The following DNAH6 variants were observed in gnomAD, a reference collection of about 807,000 sequenced individuals.
DNAH6 encodes the protein dynein axonemal heavy chain 6.
Under a neutral mutation model 491.4 loss-of-function variants are expected in DNAH6, and 340 were observed. The ratio of observed to expected loss-of-function variants is 0.69; its 90% CI spans 0.63 to 0.76. The LOEUF is 0.76. Ranked by LOEUF, DNAH6 falls within the 30% of genes least tolerant of loss-of-function variation. The pLI, the probability that DNAH6 is intolerant of heterozygous loss-of-function variation, is 0.00. For missense variants in DNAH6, 4,443 were observed against 4,972.2 expected, an observed-to-expected ratio of 0.89 and a Z score of 3.20; for synonymous variants, 1,603 against 1,686.1, an observed-to-expected ratio of 0.95 and a Z score of 1.21.
chr2:84,489,265 A>G, the DNAH6 span, among the ~76,000 whole-genome samples: 6 of 152,272 alleles, frequency 3.9e-5, no homozygotes, highest in African/African-American at 1.4e-4. Flanking sequence ...CATTCCCACT[A>G]GAAAATTATG....
chr2:84,816,165 T>G, intron 76 of DNAH6, 82 bp downstream of exon 76: 1 of 1,122,332 alleles, frequency 8.9e-7, no homozygotes, highest in South Asian at 1.5e-5. Flanking sequence ...TGTGATTGGC[T>G]CAAGATCTCC....
intron 63 of DNAH6, among the ~76,000 whole-genome samples, chr2:84,754,400 C>T (rs970796014): frequency 1.1e-4 from 16 of 151,782 alleles, no homozygotes; most frequent in Admixed American, 7.9e-4. Context: ...AGGCTGGTCT[C>T]GAACTCCTGA....
Position 84,653,330 on chromosome 2 carries a change from C to T in DNAH6, c.5090C>T (p.Ser1697Phe). The change falls in exon 34 of 77, where the codon TCT becomes TTT. Residue 1697 changes from serine to phenylalanine, a missense_variant. Physicochemically the swap from Ser to Phe is radical, Grantham distance 155. Transcript: ENST00000389394. Reference protein sequence around the residue: ...DDALLFSGIISDLFPGVQIPE... With the variant: ...DDALLFSGIIFDLFPGVQIPE... ...TTTTGTTTTGACAGTGGAATCATAT[C>T]TGACCTTTTTCCTGGAGTCCAAATT... 1 of 1,531,216 alleles carries T rather than the reference C, an allele frequency of 6.5e-7. No homozygotes were observed. Among genetic ancestry groups the T allele is most frequent in the Non-Finnish European group, 8.8e-7 (1 of 1,135,736 alleles). 94.9% of individuals were successfully genotyped at this position (1,531,216 alleles called of 1,614,324 possible).
At chr2:84,646,284 A>G (rs1204475569) in intron 33 of DNAH6, among the ~76,000 whole-genome samples, 1 of 152,080 alleles carries the variant, frequency 6.6e-6, no homozygotes, top group Non-Finnish European at 1.5e-5. Context: ...ACAGACAGCC[A>G]TTCTCCCATC....
chr2:84,559,236 G>A (rs937150498), intron 11 of DNAH6, among the ~76,000 whole-genome samples: 2 of 152,142 alleles, frequency 1.3e-5, no homozygotes, highest in Admixed American at 1.3e-4. Flanking sequence ...TGTATCAGAG[G>A]ACTGTCTACA....
At position 84,704,061 on chromosome 2, in the gene DNAH6, G is replaced by T. The variant is rs527921836; in HGVS notation, c.8230-6G>T. On this transcript the variant is annotated splice_polypyrimidine_tract_variant and splice_region_variant and intron_variant, in intron 50 of 76. Transcript: ENST00000389394. Reference sequence around the variant, plus strand: ...GCCACTTAAGCAGTCATGTTTCAATGGTTAGGTCCGTAACACTGTGCAGGA... The same window carrying T: ...GCCACTTAAGCAGTCATGTTTCAATTGTTAGGTCCGTAACACTGTGCAGGA... 7.1e-6 allele frequency: 11 copies of T among 1,550,124 alleles called. No homozygotes were observed. Among genetic ancestry groups the T allele is most frequent in the South Asian group, 3.6e-5 (3 of 83,844 alleles).
At chr2:84,587,580 AC>A (rs1205959955) in intron 15 of DNAH6, among the ~76,000 whole-genome samples, 1 of 152,176 alleles carries the variant, frequency 6.6e-6, no homozygotes, top group Non-Finnish European at 1.5e-5. Context: ...TGCTATCAAG[AC>A]CCTCATTCCT....
chr2:84,624,598 G>A lies in DNAH6; in HGVS notation c.4331G>A (p.Arg1444Lys), dbSNP rs938191505. Residue 1444 changes from arginine (R) to lysine (K), a missense_variant, in exon 28 of 77, where the codon AGA (arginine) becomes AAA (lysine). Physicochemically the swap from Arg to Lys is conservative, Grantham distance 26. Transcript: ENST00000389394. ...TATGAATATTTGGGTGCATGCCCAA[G>A]ATTGGTTATTACTCCACTCACAGTA... ...YGYEYLGACP[R>K]LVITPLTDRC... 1 of 1,551,390 alleles carries A rather than the reference G, an allele frequency of 6.4e-7. No individual in the cohort carries two copies. Among genetic ancestry groups the A allele is most frequent in the Non-Finnish European group, 8.7e-7 (1 of 1,146,910 alleles).
intron 21 of DNAH6, among the ~76,000 whole-genome samples, chr2:84,611,437 A>G (rs1327812412): frequency 6.6e-6 from 1 of 152,000 alleles, no homozygotes; most frequent in Non-Finnish European, 1.5e-5. Flanking sequence ...CTCTGGATCC[A>G]TTCTGGTAAC....
Position 84,549,987 on chromosome 2 carries a change from A to G in DNAH6, c.1415A>G (p.Lys472Arg), listed in dbSNP as rs191771194. Residue 472 changes from lysine to arginine, a missense_variant, in exon 9 of 77, where the codon AAA becomes AGA. Transcript: ENST00000389394. The part of the protein sequence containing the change: ...SLLNHLTDKL[K>R]RTPSADVIQK... ...TTGAACCATCTCACTGACAAGCTAA[A>G]ACGAACACCTTCAGCAGATGTCATT... The G allele has an allele frequency of 3.1e-6, 5 of 1,614,100 alleles. No individual in the cohort carries two copies. Among genetic ancestry groups the G allele is most frequent in the Middle Eastern group, 3.3e-4 (2 of 6,062 alleles).
At chr2:84,693,767 A>G (rs893706120) in intron 45 of DNAH6, among the ~76,000 whole-genome samples, 1 of 152,026 alleles carries the variant, frequency 6.6e-6, no homozygotes, top group Non-Finnish European at 1.5e-5. Flanking sequence ...GTTAACATGA[A>G]TCAGAAACTT....
chr2:84,589,425 T>A (rs1343242111), intron 16 of DNAH6, among the ~76,000 whole-genome samples: 1 of 152,088 alleles, frequency 6.6e-6, no homozygotes, highest in Non-Finnish European at 1.5e-5. Context: ...AAGGGTAGAT[T>A]TGAGGACCAG....
At chr2:84,790,865 T>C (rs1417474519) in intron 68 of DNAH6, among the ~76,000 whole-genome samples, 1 of 152,160 alleles carries the variant, frequency 6.6e-6, no homozygotes, top group African/African-American at 2.4e-5. Context: ...AGATATGTAC[T>C]TAGAAAAAAT....
rs114029343 is a variant in DNAH6, at chr2:84,757,358, G to A, written c.10513-5397G>A. On this transcript the variant is annotated intron_variant, in intron 63 of 76. Coordinates refer to ENST00000389394, the MANE Select transcript of DNAH6 (RefSeq NM_001370.2). The stretch of plus-strand genomic sequence containing the variant: ...TCCACTGCAAGTGCACTGCAGGATG[G>A]CAAGACTTTCCTGGGTAGAGTGAGA... Among the ~76,000 whole-genome samples, 1,514 of 152,288 alleles carry A rather than the reference G, an allele frequency of 9.9e-3. 25 individuals are homozygous for A. Among genetic ancestry groups the A allele is most frequent in the African/African-American group, 0.034 (1,421 of 41,566 alleles).
intron 43 of DNAH6, 70 bp downstream of exon 43, chr2:84,685,542 A>G (rs1694182683): frequency 1.1e-6 from 1 of 948,496 alleles, no homozygotes; most frequent in Non-Finnish European, 1.4e-6. Context: ...TACAAAGAAC[A>G]ATTAACACAA....
chr2:84,589,788 G>T (rs1683927364), intron 16 of DNAH6, among the ~76,000 whole-genome samples: 1 of 151,708 alleles, frequency 6.6e-6, no homozygotes, highest in South Asian at 2.1e-4. Context: ...AGAGAAAGGG[G>T]TAAGAGATGC....
At chr2:84,589,887 T>C (rs936502756) in intron 16 of DNAH6, among the ~76,000 whole-genome samples, 9 of 151,682 alleles carry the variant, frequency 5.9e-5, no homozygotes, top group African/African-American at 1.9e-4. Flanking sequence ...AGGGAGCCCC[T>C]AGCAATAAGG....
At position 84,525,636 on chromosome 2, in the gene DNAH6, G is replaced by A. The variant is rs780035185; in HGVS notation, c.297G>A (p.Met99Ile). The A allele has an allele frequency of 2.6e-5, 40 of 1,550,394 alleles. No individual in the cohort carries two copies. The South Asian group carries it at 4.6e-4, about 18-fold the overall frequency. ...ATGAACAGAACCGATTTCAGTTAATGACTGCAGGAATCATTAAACGTCCAG... is the reference window on the plus strand; with the variant it reads ...ATGAACAGAACCGATTTCAGTTAATAACTGCAGGAATCATTAAACGTCCAG... The part of the protein sequence containing the change: ...YIHEQNRFQL[M>I]TAGIIKRPVS... The change falls in exon 3 of 77, where the codon ATG (methionine) becomes ATA (isoleucine). Residue 99 changes from methionine (M) to isoleucine (I), a missense_variant. This residue lies in a region of DNAH6 where 2,977 missense variants were observed against 3,296.6 expected (regional missense o/e 0.90). Coordinates refer to ENST00000389394, the MANE Select transcript of DNAH6 (RefSeq NM_001370.2).
the DNAH6 span, among the ~76,000 whole-genome samples, chr2:84,489,006 A>C: frequency 1.3e-5 from 2 of 152,274 alleles, no homozygotes; most frequent in Admixed American, 6.5e-5. Flanking sequence ...TAAAGATGAT[A>C]TAGATTATTT....
Sources: gnomAD v4.1 joint callset for allele counts (sites outside exome capture counted in the v4.1 genomes callset) on GRCh38, gnomAD v4.1.1 for gene constraint, gnomAD v4.1.1 regional missense constraint, MANE v1.5 for transcripts, NCBI Gene and HGNC (gene_info 2026-07-23, HGNC 2026-07-21) for gene names.